PAX5: variants seen among roughly 807,000 people sequenced by gnomAD.
The protein encoded by PAX5 is paired box 5, also known as paired box protein Pax-5.
A neutral mutation model predicts 43.7 loss-of-function variants in PAX5; 9 were observed. The ratio of observed to expected loss-of-function variants is 0.21; its 90% confidence interval spans 0.12 to 0.36. The LOEUF (loss-of-function observed/expected upper bound fraction) is 0.36. Ranked by LOEUF, PAX5 falls within the 10% of genes least tolerant of loss-of-function variation. The pLI is 1.00. For synonymous variants in PAX5, 228 were observed against 214.3 expected, an observed-to-expected ratio of 1.06 and a Z score of -0.56; for missense variants, 383 against 532.7, an observed-to-expected ratio of 0.72 and a Z score of 2.77.
chr9:36,915,121 T>C (rs112294347), intron 7 of PAX5, among the ~76,000 whole-genome samples: 1,588 of 152,350 alleles, frequency 0.01, 32 homozygotes, highest in African/African-American at 0.036. Context: ...GGATCATACA[T>C]ATATAGATAT....
At position 36,889,941 on chromosome 9, in the gene PAX5, C is replaced by CT. The variant is rs796174398; in HGVS notation, c.911-7837_911-7836insA. On this transcript the variant is annotated intron_variant, in intron 7 of 9. Transcript: ENST00000358127. ...GGTAGGCTCTCTCTATGTACACTAA[C>CT]GGGGGGGGGGGGAATGTGAATCCAA... 1.1e-4 allele frequency among the ~76,000 whole-genome samples: 10 copies of CT among 92,186 alleles called. No homozygotes were observed. The South Asian group carries it at 3.0e-3, about 27-fold the overall frequency. 60.5% of individuals were successfully genotyped at this position (92,186 alleles called of 152,430 possible). A position where few individuals can be genotyped will look rare whatever the true frequency, so the allele number is the denominator to read the frequency against.
intron 6 of PAX5, among the ~76,000 whole-genome samples, chr9:36,931,278 G>C (rs750407724): frequency 1.3e-5 from 2 of 152,224 alleles, no homozygotes; most frequent in Non-Finnish European, 2.9e-5. Context: ...GCAGGCAAAG[G>C]GGTCTGCAAG....
intron 7 of PAX5, among the ~76,000 whole-genome samples, chr9:36,888,898 G>T (rs1183369667): frequency 6.6e-6 from 1 of 152,206 alleles, no homozygotes; most frequent in Admixed American, 6.5e-5. Flanking sequence ...GGGAGGGGTG[G>T]AGTTTGGAGT....
intron 6 of PAX5, among the ~76,000 whole-genome samples, chr9:36,951,454 A>G (rs77192360): frequency 0.038 from 5,782 of 152,312 alleles, 118 homozygotes; most frequent in East Asian, 0.092. Context: ...TGTTCTTGTT[A>G]TCATTAAGCA....
intron 6 of PAX5, among the ~76,000 whole-genome samples, chr9:36,965,543 G>A (rs934633150): frequency 3.3e-5 from 5 of 152,158 alleles, no homozygotes; most frequent in Non-Finnish European, 5.9e-5. Context: ...CTCACCACAC[G>A]GTTCTCTCCA....
At chr9:36,883,021 T>A (rs913720138) in intron 7 of PAX5, among the ~76,000 whole-genome samples, 2 of 152,248 alleles carry the variant, frequency 1.3e-5, no homozygotes, top group African/African-American at 4.8e-5. Context: ...TGGGGGGCAT[T>A]AGCCCAGTAG....
chr9:36,994,614 C>T (rs1588170624), intron 5 of PAX5, among the ~76,000 whole-genome samples: 1 of 152,302 alleles, frequency 6.6e-6, no homozygotes, highest in Middle Eastern at 3.4e-3. Flanking sequence ...TGCTAAGACT[C>T]CAGAAGCTCA....
chr9:36,863,883 G>T (rs1215372698), intron 8 of PAX5, among the ~76,000 whole-genome samples: 1 of 152,202 alleles, frequency 6.6e-6, no homozygotes, highest in African/African-American at 2.4e-5. Context: ...GGCTAAGGTG[G>T]GCGGATCAGG....
intron 8 of PAX5, among the ~76,000 whole-genome samples, chr9:36,860,197 C>T (rs539963319): frequency 8.6e-5 from 13 of 151,982 alleles, no homozygotes; most frequent in Non-Finnish European, 1.5e-4. Flanking sequence ...ATTAGCCGGG[C>T]GTGGTGGCAC....
chr9:36,919,808 C>A (rs1259903365), intron 7 of PAX5, among the ~76,000 whole-genome samples: 1 of 140,396 alleles, frequency 7.1e-6, no homozygotes, highest in Admixed American at 7.4e-5. Context: ...CCACTGCACT[C>A]CAGCCTGGGC....
At chr9:36,925,182 T>C (rs912723016) in intron 6 of PAX5, among the ~76,000 whole-genome samples, 3 of 152,094 alleles carry the variant, frequency 2.0e-5, no homozygotes, top group Non-Finnish European at 4.4e-5. Context: ...AAGTTTTGAC[T>C]GGGGGTGATG....
intron 6 of PAX5, among the ~76,000 whole-genome samples, chr9:36,954,437 T>C (rs1054558257): frequency 4.6e-5 from 7 of 152,232 alleles, no homozygotes; most frequent in Non-Finnish European, 8.8e-5. Flanking sequence ...CTGTGAGTGG[T>C]AAACTCTCCC....
In PAX5 at chr9:36,882,211, A is replaced by G; in HGVS notation, c.911-106T>C. ...GCACATTTGTCACGTTTGGACGCTGAACGGCAATGTGCCCCCAGCTCCCCC... is the reference window on the plus strand; with the variant it reads ...GCACATTTGTCACGTTTGGACGCTGGACGGCAATGTGCCCCCAGCTCCCCC... On this transcript the variant is annotated intron_variant, in intron 7 of 9. Transcript: ENST00000358127. This position sits in a 1 kb window ranked among gnomAD's most constrained non-coding sequence, Gnocchi z 4.4. 1 of 851,878 alleles carries G rather than the reference A, an allele frequency of 1.2e-6. No homozygotes were observed. The highest frequency in any genetic ancestry group is 1.8e-6 in the Non-Finnish European group (1 of 558,794). 52.8% of individuals were successfully genotyped at this position (851,878 alleles called of 1,614,324 possible).
chr9:36,926,904 T>C (rs753290044), intron 6 of PAX5, among the ~76,000 whole-genome samples: 11 of 151,754 alleles, frequency 7.2e-5, no homozygotes, highest in Non-Finnish European at 1.3e-4. Flanking sequence ...GAGCACAGAG[T>C]CATTAATGTA....
At chr9:37,011,065 G>A (rs1224027189) in intron 3 of PAX5, among the ~76,000 whole-genome samples, 3 of 147,666 alleles carry the variant, frequency 2.0e-5, no homozygotes, top group African/African-American at 7.5e-5. Flanking sequence ...AGGTTGCAGT[G>A]AACCATGATT....
At chr9:36,982,149 C>A (rs1397891709) in intron 5 of PAX5, among the ~76,000 whole-genome samples, 1 of 152,130 alleles carries the variant, frequency 6.6e-6, no homozygotes, top group Non-Finnish European at 1.5e-5. Flanking sequence ...CCTGTAGGCC[C>A]AGCTACTGGG....
At chr9:37,011,707 G>A (rs1283600722) in intron 3 of PAX5, among the ~76,000 whole-genome samples, 2 of 152,128 alleles carry the variant, frequency 1.3e-5, no homozygotes, top group African/African-American at 4.8e-5. Flanking sequence ...GTCAGTCATG[G>A]TTTCCTAGGC....
At chr9:37,025,293 A>ACTCAGCACTGCGTGGCAGACACGGACATG (rs1840227990) in intron 1 of PAX5, among the ~76,000 whole-genome samples, 1 of 152,086 alleles carries the variant, frequency 6.6e-6, no homozygotes, top group Admixed American at 6.5e-5. Flanking sequence ...TTGCCAGGCC[A>ACTCAGCACTGCGTGGCAGACACGGACATG]CTCAGCACTG....
At chr9:36,953,507 G>T (rs1233358836) in intron 6 of PAX5, among the ~76,000 whole-genome samples, 1 of 151,982 alleles carries the variant, frequency 6.6e-6, no homozygotes, top group Non-Finnish European at 1.5e-5. Flanking sequence ...GTTCTGTTCT[G>T]GTTTTGTTTT....
Sources: gnomAD v4.1 joint callset for allele counts (sites outside exome capture counted in the v4.1 genomes callset) on GRCh38, gnomAD v4.1.1 for gene constraint, Gnocchi (gnomAD v3.1) non-coding constraint, MANE v1.5 for transcripts, NCBI Gene and HGNC (gene_info 2026-07-23, HGNC 2026-07-21) for gene names.